Variants in ANKRD13C observed in about 807,000 individuals in gnomAD.
ANKRD13C encodes the protein ankyrin repeat domain 13C, also known as ankyrin repeat domain-containing protein 13C.
Under a neutral mutation model 65.5 loss-of-function variants are expected in ANKRD13C, and 16 were observed. The ratio of observed to expected loss-of-function variants is 0.24; its 90% CI spans 0.17 to 0.37. The LOEUF is 0.37. ANKRD13C is among the 10% of genes least tolerant of loss of function. The pLI is 1.00. For missense variants in ANKRD13C, 503 were observed against 655.9 expected, an observed-to-expected ratio of 0.77 and a Z score of 2.55; for synonymous variants, 235 against 238.7, an observed-to-expected ratio of 0.98 and a Z score of 0.14.
intron 7 of ANKRD13C, among the ~76,000 whole-genome samples, chr1:70,297,524 C>A (rs1368545767): frequency 3.5e-4 from 52 of 147,924 alleles, no homozygotes; most frequent in Non-Finnish European, 3.0e-5. Context: ...GATCTCCTGA[C>A]CTCGTGATCC....
At chr1:70,313,884 A>G in intron 4 of ANKRD13C, 94 bp from the exon 5 acceptor site, 1 of 822,132 alleles carries the variant, frequency 1.2e-6, no homozygotes, top group Non-Finnish European at 2.1e-6. Context: ...ATTATAATAC[A>G]TGCATTACTA....
chr1:70,344,033 C>T (rs1003486870), intron 1 of ANKRD13C, among the ~76,000 whole-genome samples: 3 of 151,682 alleles, frequency 2.0e-5, no homozygotes, highest in African/African-American at 7.3e-5. Flanking sequence ...CATGGTGGCT[C>T]ACGCCTATAA....
At chr1:70,290,123 T>A (rs192311622) in intron 9 of ANKRD13C, among the ~76,000 whole-genome samples, 175 of 151,182 alleles carry the variant, frequency 1.2e-3, no homozygotes, top group South Asian at 2.0e-3. Flanking sequence ...AGGAAGGGGA[T>A]AGGATCACAC....
intron 2 of ANKRD13C, among the ~76,000 whole-genome samples, chr1:70,328,608 G>A (rs1681650878): frequency 6.6e-6 from 1 of 152,180 alleles, no homozygotes; most frequent in African/African-American, 2.4e-5. Context: ...GTTGCAGTGA[G>A]CCGAGACAGC....
At chr1:70,287,601 T>TA (rs1192016933) in intron 9 of ANKRD13C, among the ~76,000 whole-genome samples, 1 of 152,170 alleles carries the variant, frequency 6.6e-6, no homozygotes, top group Non-Finnish European at 1.5e-5. Flanking sequence ...ATCAAAATGA[T>TA]AAACTTTTTT....
At chr1:70,293,053 T>C (rs970341590) in intron 8 of ANKRD13C, among the ~76,000 whole-genome samples, 5 of 152,158 alleles carry the variant, frequency 3.3e-5, no homozygotes, top group African/African-American at 9.7e-5. Context: ...CATTCTCTAT[T>C]CTCTAACAGG....
At position 70,352,220 on chromosome 1, in the gene ANKRD13C, C is replaced by G. The variant is rs1006507106; in HGVS notation, c.430+1759G>C. ...CCTGGCGCGGTGGTGGGCGCCTGTA[C>G]TACCAGCTACTCAGGAGGCTGAGGC... On this transcript the variant is annotated intron_variant, in intron 1 of 12. Transcript: ENST00000370944. 4.6e-5 allele frequency among the ~76,000 whole-genome samples: 7 copies of G among 151,332 alleles called. No individual in the cohort carries two copies. The South Asian group carries it at 1.0e-3, about 23-fold the overall frequency.
At chr1:70,307,450 A>T (rs1680636032) in intron 5 of ANKRD13C, among the ~76,000 whole-genome samples, 1 of 152,158 alleles carries the variant, frequency 6.6e-6, no homozygotes, top group African/African-American at 2.4e-5. Context: ...TTAAAATAAA[A>T]AAAATTTTAA....
chr1:70,284,638 A>C (rs758670604), intron 9 of ANKRD13C, among the ~76,000 whole-genome samples: 4 of 152,238 alleles, frequency 2.6e-5, no homozygotes, highest in African/African-American at 4.8e-5. Context: ...GGTTCCTAAC[A>C]TAAAAGTCCA....
At chr1:70,322,688 G>A (rs1469356307) in intron 3 of ANKRD13C, among the ~76,000 whole-genome samples, 1 of 151,982 alleles carries the variant, frequency 6.6e-6, no homozygotes, top group African/African-American at 2.4e-5. Flanking sequence ...AGTAAATACT[G>A]ACTCTGAGTA....
chr1:70,282,212 G>A lies in ANKRD13C; in HGVS notation c.1216-5368C>T, dbSNP rs919814337. On this transcript the variant is annotated intron_variant, in intron 9 of 12. Transcript: ENST00000370944. ...TGGGACTACAGGTGTCCACCACCAC[G>A]CCCGGCTAATTTTTTGTATTTTTTA... Among the ~76,000 whole-genome samples the A allele has an allele frequency of 3.3e-5, 5 of 151,384 alleles. No homozygotes were observed. In the East Asian group the frequency reaches 8.0e-4, roughly 24 times the overall value.
At chr1:70,282,944 T>G (rs534119112) in intron 9 of ANKRD13C, among the ~76,000 whole-genome samples, 1 of 149,190 alleles carries the variant, frequency 6.7e-6, no homozygotes, top group Non-Finnish European at 1.5e-5. Context: ...TCATTATATT[T>G]TTTCAGGTAA....
chr1:70,309,497 T>C (rs1408949017), intron 5 of ANKRD13C, among the ~76,000 whole-genome samples: 1 of 150,002 alleles, frequency 6.7e-6, no homozygotes, highest in Non-Finnish European at 1.5e-5. Flanking sequence ...GGCGGGTGGA[T>C]CACGAGGTGA....
Position 70,354,496 on chromosome 1 carries a change from G to A in ANKRD13C, c.-88C>T. The A allele has an allele frequency of 2.0e-6, 3 of 1,480,966 alleles. No individual in the cohort carries two copies. The highest frequency in any genetic ancestry group is 1.8e-6 in the Non-Finnish European group (2 of 1,120,114). 91.7% of individuals were successfully genotyped at this position (1,480,966 alleles called of 1,614,324 possible). ...GCGGCGGCACAAGGCGATTAGAGCG[G>A]TGGCCAAGAGCCTCCAGCGCAGCAT... On this transcript the variant is annotated 5_prime_UTR_variant, in exon 1 of 13. Coordinates refer to ENST00000370944, the MANE Select transcript of ANKRD13C (RefSeq NM_030816.5).
intron 1 of ANKRD13C, among the ~76,000 whole-genome samples, chr1:70,339,811 GTTTATTA>G (rs1180638682): frequency 8.0e-6 from 1 of 125,702 alleles, no homozygotes; most frequent in Non-Finnish European, 1.6e-5. Flanking sequence ...TGATCAGTAC[GTTTATTA>G]TTATTATTAT....
chr1:70,269,936 G>A (rs1269610487), intron 12 of ANKRD13C, among the ~76,000 whole-genome samples: 1 of 152,174 alleles, frequency 6.6e-6, no homozygotes, highest in East Asian at 1.9e-4. Context: ...GATGGATAGT[G>A]TTAAAGGAGC....
intron 7 of ANKRD13C, among the ~76,000 whole-genome samples, chr1:70,298,213 T>C (rs1680178828): frequency 6.6e-6 from 1 of 152,182 alleles, no homozygotes; most frequent in Admixed American, 6.5e-5. Context: ...GTATAACCCA[T>C]TGTCTATGAG....
intron 11 of ANKRD13C, among the ~76,000 whole-genome samples, chr1:70,271,458 G>A (rs1238470367): frequency 1.3e-5 from 2 of 152,030 alleles, no homozygotes; most frequent in Non-Finnish European, 2.9e-5. Flanking sequence ...TGGTTGGATG[G>A]ATTTCTTTTT....
At chr1:70,349,111 G>A (rs778226483) in intron 1 of ANKRD13C, among the ~76,000 whole-genome samples, 8 of 152,060 alleles carry the variant, frequency 5.3e-5, no homozygotes, top group South Asian at 2.1e-4. Flanking sequence ...TCTTCTATAC[G>A]TTTCATATTC....
Sources: gnomAD v4.1 joint callset for allele counts (sites outside exome capture counted in the v4.1 genomes callset) on GRCh38, gnomAD v4.1.1 for gene constraint, MANE v1.5 for transcripts, NCBI Gene and HGNC (gene_info 2026-07-23, HGNC 2026-07-21) for gene names.